NAV2: variants seen among roughly 807,000 people sequenced by gnomAD.
The protein encoded by NAV2 is helicase, APC down-regulated 1.
Under a neutral mutation model 223.2 loss-of-function variants are expected in NAV2, and 54 were observed. That is an observed-to-expected ratio of 0.24 (90% confidence interval 0.19 to 0.30). The LOEUF is 0.30. NAV2 is among the 10% of genes least tolerant of loss of function. The pLI is 1.00. For missense variants in NAV2, 2,806 were observed against 3,147.5 expected (o/e 0.89, Z 2.60); for synonymous variants, 1,279 against 1,239.3 (o/e 1.03, Z -0.67).
intron 26 of NAV2, among the ~76,000 whole-genome samples, chr11:20,088,502 C>T (rs192961795): frequency 2.6e-5 from 4 of 152,158 alleles, no homozygotes; most frequent in South Asian, 2.1e-4. Context: ...ATCATGTCTA[C>T]GTTATAGGGC....
chr11:19,746,128 G>T (rs2053317918), intron 1 of NAV2, among the ~76,000 whole-genome samples: 2 of 152,186 alleles, frequency 1.3e-5, no homozygotes. Flanking sequence ...GAATCATAGG[G>T]TCAGGTCAAA....
chr11:19,832,637 C>T (rs766777921), intron 2 of NAV2, 36 bp downstream of exon 2: 3 of 1,551,542 alleles, frequency 1.9e-6, no homozygotes, highest in Middle Eastern at 1.7e-4. Flanking sequence ...TAATGAGTTA[C>T]AGTGGAGCCA....
At chr11:19,994,435 T>C (rs2051658120) in intron 11 of NAV2, among the ~76,000 whole-genome samples, 1 of 151,818 alleles carries the variant, frequency 6.6e-6, no homozygotes, top group Non-Finnish European at 1.5e-5. Context: ...TAATCCCAGC[T>C]GCGCAGCAGG....
chr11:19,781,317 C>T (rs1297943274), intron 1 of NAV2, among the ~76,000 whole-genome samples: 1 of 152,202 alleles, frequency 6.6e-6, no homozygotes, highest in African/African-American at 2.4e-5. Context: ...GTGCTCACTG[C>T]TGCAGTTCTC....
intron 4 of NAV2, among the ~76,000 whole-genome samples, chr11:19,878,257 C>T (rs1218943083): frequency 6.6e-6 from 1 of 152,184 alleles, no homozygotes; most frequent in African/African-American, 2.4e-5. Flanking sequence ...ATAGTAAAAA[C>T]TGTCATTTTT....
chr11:19,432,935 C>A (rs1331000083), intron 1 of NAV2, among the ~76,000 whole-genome samples: 1 of 152,314 alleles, frequency 6.6e-6, no homozygotes, highest in South Asian at 2.1e-4. Context: ...TCACCCAGAA[C>A]CACAGTGTCC....
chr11:19,928,906 A>G (rs2045045692), intron 6 of NAV2, among the ~76,000 whole-genome samples: 1 of 152,128 alleles, frequency 6.6e-6, no homozygotes, highest in Non-Finnish European at 1.5e-5. Context: ...TTACTATCTG[A>G]GAAGCCTGTT....
intron 1 of NAV2, among the ~76,000 whole-genome samples, chr11:19,723,730 GGTGACCCCC>G: frequency 6.6e-6 from 1 of 152,208 alleles, no homozygotes. Context: ...CTGTCCCCCA[GGTGACCCCC>G]GTGCTGCCGG....
rs147849388 is a variant in NAV2, at chr11:19,790,321, G to A, written c.268-42163G>A. ...AGTCCAAACCAATCCTTTTATACTCGGGCCAACTGACATCCAGAGAGGGAA... is the reference window on the plus strand; with the variant it reads ...AGTCCAAACCAATCCTTTTATACTCAGGCCAACTGACATCCAGAGAGGGAA... On this transcript the variant is annotated intron_variant, in intron 1 of 37. Transcript: ENST00000349880. Among the ~76,000 whole-genome samples, 37 of 152,166 alleles carry A rather than the reference G, an allele frequency of 2.4e-4. No homozygotes were observed. In the East Asian group the frequency reaches 4.2e-3, roughly 17 times the overall value.
chr11:20,046,603 C>CACACACACACACACACAG (rs1554924639), intron 14 of NAV2, among the ~76,000 whole-genome samples: 5 of 148,814 alleles, frequency 3.4e-5, no homozygotes, highest in South Asian at 2.1e-4. Flanking sequence ...CCATCACACA[C>CACACACACACACACACAG]ACACACACAC....
chr11:20,105,985 A>AAG (rs2061999838), intron 35 of NAV2, among the ~76,000 whole-genome samples: 1 of 151,368 alleles, frequency 6.6e-6, no homozygotes, highest in East Asian at 2.0e-4. Context: ...AGGTTCCCCC[A>AAG]AGCTGAAGCT....
At chr11:19,524,620 G>A (rs1472149892) in intron 1 of NAV2, among the ~76,000 whole-genome samples, 1 of 151,476 alleles carries the variant, frequency 6.6e-6, no homozygotes, top group African/African-American at 2.5e-5. Context: ...GTCAGTACTG[G>A]CTTTGGTGGG....
intron 1 of NAV2, among the ~76,000 whole-genome samples, chr11:19,438,564 C>T (rs1367710454): frequency 6.6e-6 from 1 of 152,244 alleles, no homozygotes; most frequent in Non-Finnish European, 1.5e-5. Context: ...ACCATTCCAA[C>T]AATTCCATTC....
chr11:19,372,384 C>T (rs957028606), intron 1 of NAV2, among the ~76,000 whole-genome samples: 2 of 152,208 alleles, frequency 1.3e-5, no homozygotes, highest in Non-Finnish European at 2.9e-5. Flanking sequence ...TCTGCTGCCC[C>T]ATCCACTGGG....
rs374629607 is a variant in NAV2, at chr11:19,740,258, A to C, written c.267+26296A>C. 9.2e-5 allele frequency among the ~76,000 whole-genome samples: 14 copies of C among 152,334 alleles called. No homozygotes were observed. In the East Asian group the frequency reaches 2.1e-3, roughly 23 times the overall value. On this transcript the variant is annotated intron_variant, in intron 1 of 37. Coordinates refer to ENST00000349880, the MANE Select transcript of NAV2 (RefSeq NM_145117.5). Reference sequence around the variant, plus strand: ...AGGTGGCATTCCAGGTAAAGGGGACATTGTGGGCAAAGACATGGGGATGAA... The same window carrying C: ...AGGTGGCATTCCAGGTAAAGGGGACCTTGTGGGCAAAGACATGGGGATGAA...
intron 1 of NAV2, among the ~76,000 whole-genome samples, chr11:19,736,360 G>A (rs2052300613): frequency 6.6e-6 from 1 of 152,174 alleles, no homozygotes; most frequent in South Asian, 2.1e-4. Context: ...CTCTTGTTGG[G>A]CTCCAGGACT....
chr11:19,754,177 TCCTC>T (rs2054062409), intron 1 of NAV2, among the ~76,000 whole-genome samples: 1 of 152,134 alleles, frequency 6.6e-6, no homozygotes, highest in Non-Finnish European at 1.5e-5. Flanking sequence ...TCAATGCCCT[TCCTC>T]CCAACTTTTC....
chr11:19,669,632 G>A (rs2048522405), intron 1 of NAV2, among the ~76,000 whole-genome samples: 1 of 152,244 alleles, frequency 6.6e-6, no homozygotes, highest in African/African-American at 2.4e-5. Flanking sequence ...CACCGCCAGT[G>A]AGATCCTGCT....
intron 5 of NAV2, among the ~76,000 whole-genome samples, chr11:19,882,141 C>T (rs1481481345): frequency 6.6e-6 from 1 of 152,176 alleles, no homozygotes; most frequent in Non-Finnish European, 1.5e-5. Context: ...GTCAAAAAAT[C>T]CACCTTTGCT....
Sources: allele counts gnomAD v4.1 joint callset (sites outside exome capture counted in the v4.1 genomes callset), GRCh38; gene constraint gnomAD v4.1.1; transcripts MANE v1.5; gene names NCBI Gene and HGNC (gene_info 2026-07-23, HGNC 2026-07-21).